PRPSAP1: variants seen among roughly 807,000 people sequenced by gnomAD.
PRPSAP1 encodes the protein phosphoribosyl pyrophosphate synthase-associated protein 1.
A neutral mutation model predicts 39.4 loss-of-function variants in PRPSAP1; 31 were observed. The observed-to-expected ratio is 0.79, with a 90% CI of 0.59 to 1.06. The LOEUF (loss-of-function observed/expected upper bound fraction) is 1.06, where lower values mean the gene tolerates loss of function less well. Ranked by LOEUF, PRPSAP1 falls within the 50% of genes least tolerant of loss-of-function variation. PRPSAP1 has a pLI of 0.00. For missense variants in PRPSAP1, 430 were observed against 511.6 expected, an observed-to-expected ratio of 0.84 and a Z score of 1.54; for synonymous variants, 212 against 192.6, an observed-to-expected ratio of 1.10 and a Z score of -0.83.
At chr17:76,321,359 A>C (rs539845226) in intron 7 of PRPSAP1, among the ~76,000 whole-genome samples, 76 of 152,200 alleles carry the variant, frequency 5.0e-4, no homozygotes, top group Non-Finnish European at 4.4e-4. Flanking sequence ...GTTCAAGACC[A>C]GCCTGACCAA....
At chr17:76,316,769 T>C (rs1305086502) in intron 7 of PRPSAP1, among the ~76,000 whole-genome samples, 1 of 152,200 alleles carries the variant, frequency 6.6e-6, no homozygotes, top group East Asian at 1.9e-4. Context: ...CATCAAACGA[T>C]TTCCAATGCT....
intron 7 of PRPSAP1, among the ~76,000 whole-genome samples, chr17:76,326,675 C>T (rs2071259058): frequency 6.6e-6 from 1 of 152,124 alleles, no homozygotes; most frequent in South Asian, 2.1e-4. Context: ...AAAGAAATGA[C>T]AACTAAATGC....
chr17:76,351,989 A>C (rs903622695), intron 1 of PRPSAP1, among the ~76,000 whole-genome samples: 57 of 152,086 alleles, frequency 3.7e-4, no homozygotes, highest in African/African-American at 1.2e-3. Context: ...GGGGTTAGAA[A>C]TAGAAACTAG....
chr17:76,351,573 G>C (rs1340707624), intron 1 of PRPSAP1, among the ~76,000 whole-genome samples: 1 of 152,102 alleles, frequency 6.6e-6, no homozygotes, highest in African/African-American at 2.4e-5. Context: ...TGTGATCCCA[G>C]CTACTTTCGA....
chr17:76,330,704 T>A, intron 4 of PRPSAP1, 38 bp from the exon 5 acceptor site: 3 of 1,372,564 alleles, frequency 2.2e-6, no homozygotes, highest in Non-Finnish European at 3.1e-6. Context: ...AGTTCACCCC[T>A]ACAGGTAAAT....
intron 7 of PRPSAP1, among the ~76,000 whole-genome samples, chr17:76,314,973 TA>T (rs1345774185): frequency 6.6e-6 from 1 of 152,354 alleles, no homozygotes; most frequent in East Asian, 1.9e-4. Context: ...GGCTTTATGT[TA>T]TTTTCTTCCA....
At chr17:76,337,043 T>C (rs1388439757) in intron 3 of PRPSAP1, among the ~76,000 whole-genome samples, 2 of 152,162 alleles carry the variant, frequency 1.3e-5, no homozygotes, top group Non-Finnish European at 2.9e-5. Context: ...TTGTAGTCTT[T>C]ATCTCTAAGT....
At chr17:76,333,149 C>T (rs1041308473) in intron 3 of PRPSAP1, among the ~76,000 whole-genome samples, 14 of 152,000 alleles carry the variant, frequency 9.2e-5, no homozygotes, top group Admixed American at 5.2e-4. Flanking sequence ...CTCACTCTGT[C>T]GCCCAGGCTG....
intron 3 of PRPSAP1, among the ~76,000 whole-genome samples, chr17:76,340,902 CA>C (rs576470881): frequency 3.5e-3 from 198 of 56,430 alleles, no homozygotes; most frequent in Non-Finnish European, 4.1e-3. Flanking sequence ...AACTCCATCT[CA>C]AAAAAAAAAA....
intron 3 of PRPSAP1, among the ~76,000 whole-genome samples, chr17:76,337,798 G>C (rs1385942475): frequency 3.9e-5 from 6 of 152,000 alleles, no homozygotes; most frequent in Admixed American, 3.3e-4. Flanking sequence ...GTAGAGACGG[G>C]GTTTCACCAT....
intron 2 of PRPSAP1, chr17:76,346,028 G>T (rs1416489197): frequency 2.3e-6 from 1 of 439,284 alleles, no homozygotes; most frequent in South Asian, 1.7e-5. Flanking sequence ...GCTGACACTG[G>T]CGAGGAGGGG....
At position 76,341,234 on chromosome 17, in the gene PRPSAP1, GTTTTTTTTTTT is replaced by G. The variant is rs5822126; in HGVS notation, c.290+3426_290+3436del. 2.5e-5 allele frequency among the ~76,000 whole-genome samples: 3 copies of G among 119,976 alleles called. 1 individual carries two copies. The highest frequency in any genetic ancestry group is 9.1e-5 in the African/African-American group (3 of 32,840). 78.7% of individuals were successfully genotyped at this position (119,976 alleles called of 152,430 possible). ...AGTGTTAACAATTTGACTTTTTTTT[GTTTTTTTTTTT>G]TTTTTTTTTTGAGATAAGATCTGGC... is the stretch of plus-strand genomic sequence containing the variant. On this transcript the variant is annotated intron_variant, in intron 3 of 9. Coordinates refer to ENST00000446526, the MANE Select transcript of PRPSAP1 (RefSeq NM_002766.3).
At chr17:76,327,944 G>A (rs1354493627) in intron 7 of PRPSAP1, among the ~76,000 whole-genome samples, 1 of 152,026 alleles carries the variant, frequency 6.6e-6, no homozygotes, top group Admixed American at 6.6e-5. Context: ...GGCATTTTGG[G>A]AGACCATGAC....
At chr17:76,322,599 T>C (rs1375337017) in intron 7 of PRPSAP1, among the ~76,000 whole-genome samples, 1 of 152,098 alleles carries the variant, frequency 6.6e-6, no homozygotes, top group Non-Finnish European at 1.5e-5. Context: ...CTGTCAAGAA[T>C]ACAGGCTGAG....
At chr17:76,347,484 CAAAAAA>C (rs71161289) in intron 2 of PRPSAP1, among the ~76,000 whole-genome samples, 9 of 25,220 alleles carry the variant, frequency 3.6e-4, no homozygotes, top group South Asian at 2.3e-3. Flanking sequence ...AAGACTCCGT[CAAAAAA>C]AAAAAAAAAA....
At chr17:76,331,705 C>T (rs1194156868) in intron 4 of PRPSAP1, among the ~76,000 whole-genome samples, 2 of 151,938 alleles carry the variant, frequency 1.3e-5, no homozygotes, top group African/African-American at 4.8e-5. Flanking sequence ...CATTTCTTTC[C>T]GAGGACCCAA....
intron 3 of PRPSAP1, among the ~76,000 whole-genome samples, chr17:76,341,317 A>T (rs1291041957): frequency 7.0e-6 from 1 of 143,218 alleles, no homozygotes; most frequent in Non-Finnish European, 1.5e-5. Context: ...AGCTCACTGT[A>T]GCCTCGACCA....
intron 4 of PRPSAP1, among the ~76,000 whole-genome samples, chr17:76,331,439 T>C (rs2071321500): frequency 6.6e-6 from 1 of 152,226 alleles, no homozygotes; most frequent in Non-Finnish European, 1.5e-5. Context: ...GTTGTGTCTG[T>C]ACTGAGCAGG....
chr17:76,352,383 A>T (rs1198621523), intron 1 of PRPSAP1, among the ~76,000 whole-genome samples: 6 of 152,224 alleles, frequency 3.9e-5, no homozygotes, highest in Non-Finnish European at 8.8e-5. Context: ...CGGTGGCTGA[A>T]GCCTGTAATC....
Sources: gnomAD v4.1 joint callset for allele counts (sites outside exome capture counted in the v4.1 genomes callset) on GRCh38, gnomAD v4.1.1 for gene constraint, MANE v1.5 for transcripts, NCBI Gene and HGNC (gene_info 2026-07-23, HGNC 2026-07-21) for gene names.